SYN3: variants seen among roughly 807,000 people sequenced by gnomAD.
SYN3 encodes synapsin III, also known as synapsin-3.
SYN3 carries 35 observed loss-of-function variants against 65.8 expected under a neutral mutation model. The observed-to-expected ratio is 0.53, with a 90% confidence interval of 0.41 to 0.70. The LOEUF is 0.70. SYN3 is among the 30% of genes least tolerant of loss of function. The pLI is 0.00. For missense variants in SYN3, 680 were observed against 749.0 expected (o/e 0.91, Z 1.08); for synonymous variants, 270 against 292.9 (o/e 0.92, Z 0.80).
At position 32,801,890 on chromosome 22, in the gene SYN3, C is replaced by T; in HGVS notation, c.711+63025G>A. ...GCAGCGCGCCGGAGGCCAAGGTTGCCCCGCACGGCCCGGCGGGCGAGCGAG... is the reference window on the plus strand; with the variant it reads ...GCAGCGCGCCGGAGGCCAAGGTTGCTCCGCACGGCCCGGCGGGCGAGCGAG... On this transcript the variant is annotated intron_variant, in intron 6 of 13. Coordinates refer to ENST00000358763, the MANE Select transcript of SYN3 (RefSeq NM_003490.4). The surrounding 1 kb of genome is among the most constrained non-coding windows in gnomAD (Gnocchi z 4.7). 1 of 1,346,288 alleles carries T rather than the reference C, an allele frequency of 7.4e-7. No individual in the cohort carries two copies. Among genetic ancestry groups the T allele is most frequent in the Non-Finnish European group, 9.5e-7 (1 of 1,053,266 alleles). The allele number at this position is 1,346,288 out of a possible 1,614,324, so 83.4% of individuals were successfully genotyped here. A position where few individuals can be genotyped will look rare whatever the true frequency, so the allele number is the denominator to read the frequency against.
rs143660877 is a variant in SYN3 at position 32,737,440 on chromosome 22, A to G, written c.711+127475T>C. Among the ~76,000 whole-genome samples, 634 of 152,104 alleles carry G rather than the reference A, an allele frequency of 4.2e-3. 4 individuals are homozygous for G. Among genetic ancestry groups the G allele is most frequent in the African/African-American group, 0.014 (578 of 41,472 alleles). ...ATTAACTCGTCATTTAACCTTAGGT[A>G]TATCTCCTAATGCTATCCCTCCCCC... On this transcript the variant is annotated intron_variant, in intron 6 of 13. Transcript: ENST00000358763.
At chr22:32,546,860 T>G (rs1431435736) in intron 7 of SYN3, among the ~76,000 whole-genome samples, 1 of 151,634 alleles carries the variant, frequency 6.6e-6, no homozygotes. Flanking sequence ...TTCTCCCTTC[T>G]CTTATCTCCT....
chr22:33,035,166 C>T (rs535791321), intron 1 of SYN3, among the ~76,000 whole-genome samples: 5 of 152,002 alleles, frequency 3.3e-5, no homozygotes, highest in African/African-American at 9.6e-5. Context: ...GCTTTCTATG[C>T]GACAGTAACA....
chr22:33,047,550 G>C (rs539102335), intron 1 of SYN3, among the ~76,000 whole-genome samples: 1 of 152,034 alleles, frequency 6.6e-6, no homozygotes, highest in Non-Finnish European at 1.5e-5. Flanking sequence ...GCAGCTTTCT[G>C]GTGCTTGATT....
chr22:32,864,762 G>A, intron 6 of SYN3, 153 bp downstream of exon 6: 1 of 646,624 alleles, frequency 1.5e-6, no homozygotes, highest in Non-Finnish European at 2.7e-6. Flanking sequence ...GGAAATCCAG[G>A]CACTCCCACA....
At chr22:32,912,376 C>T (rs553317545) in intron 4 of SYN3, among the ~76,000 whole-genome samples, 41 of 149,492 alleles carry the variant, frequency 2.7e-4, no homozygotes, top group Non-Finnish European at 5.1e-4. Context: ...GATTGAAGAG[C>T]TGAGAAAAAT....
intron 6 of SYN3, among the ~76,000 whole-genome samples, chr22:32,619,335 A>G (rs2059563750): frequency 6.6e-6 from 1 of 152,248 alleles, no homozygotes; most frequent in South Asian, 2.1e-4. Flanking sequence ...TAAAGTTCAT[A>G]GCCTGCTAAT....
Position 32,513,436 on chromosome 22 carries a change from T to G in SYN3, c.*256A>C. 1 of 367,020 alleles carries G rather than the reference T, an allele frequency of 2.7e-6. No individual in the cohort carries two copies. Among genetic ancestry groups the G allele is most frequent in the Non-Finnish European group, 4.9e-6 (1 of 204,040 alleles). The allele number at this position is 367,020 out of a possible 1,614,324, so 22.7% of individuals were successfully genotyped here. A position where few individuals can be genotyped will look rare whatever the true frequency, so the allele number is the denominator to read the frequency against. ...GCACGTGGGTAGGCAGAGGGTGTGA[T>G]GCCCATCGCTCAGGCCTGTTTTGAG... On this transcript the variant is annotated 3_prime_UTR_variant, in exon 14 of 14. Transcript: ENST00000358763.
intron 6 of SYN3, among the ~76,000 whole-genome samples, chr22:32,831,375 G>A (rs1253807529): frequency 1.3e-5 from 2 of 152,152 alleles, no homozygotes; most frequent in Non-Finnish European, 2.9e-5. Context: ...CATTAGAGTG[G>A]GCTGATATCC....
At chr22:32,855,812 C>T (rs2048347399) in intron 6 of SYN3, among the ~76,000 whole-genome samples, 1 of 152,146 alleles carries the variant, frequency 6.6e-6, no homozygotes, top group Non-Finnish European at 1.5e-5. Context: ...GGCAAAATTG[C>T]CTCCAGTTGA....
intron 7 of SYN3, among the ~76,000 whole-genome samples, chr22:32,594,153 G>A (rs1392338525): frequency 6.6e-6 from 1 of 151,950 alleles, no homozygotes; most frequent in East Asian, 1.9e-4. Flanking sequence ...GGGAATTGGG[G>A]GGCAGACATA....
In SYN3 at chr22:32,512,457, A is replaced by G. The variant is rs2057701349; in HGVS notation, c.*1235T>C. ...GATCACCGCTGAACGCTGTCTAAGC[A>G]TGAGAGGCAGACTGGTATAGGGGAA... On this transcript the variant is annotated 3_prime_UTR_variant, in exon 14 of 14. Transcript: ENST00000358763. 1 of 152,228 alleles carries G rather than the reference A, an allele frequency of 6.6e-6. No homozygotes were observed. Among genetic ancestry groups the G allele is most frequent in the African/African-American group, 2.4e-5 (1 of 41,454 alleles). The allele number at this position is 152,228 out of a possible 1,614,324, so 9.4% of individuals were successfully genotyped here.
chr22:32,839,899 C>T (rs533163079), intron 6 of SYN3, among the ~76,000 whole-genome samples: 50 of 152,110 alleles, frequency 3.3e-4, no homozygotes, highest in Non-Finnish European at 5.3e-4. Flanking sequence ...CTACAACAGA[C>T]GTCAGCAGGG....
intron 7 of SYN3, among the ~76,000 whole-genome samples, chr22:32,563,388 A>C (rs1357170579): frequency 6.6e-6 from 1 of 152,218 alleles, no homozygotes. Context: ...CAAAGCAGGG[A>C]GGGTCATGTC....
chr22:33,010,805 C>T (rs2053331180), intron 1 of SYN3, among the ~76,000 whole-genome samples: 2 of 152,088 alleles, frequency 1.3e-5, no homozygotes, highest in Admixed American at 1.3e-4. Flanking sequence ...TTGTGATTTT[C>T]AATATAGAGA....
chr22:33,000,045 A>G (rs2053012372), intron 2 of SYN3, among the ~76,000 whole-genome samples: 1 of 152,074 alleles, frequency 6.6e-6, no homozygotes, highest in African/African-American at 2.4e-5. Context: ...AATTAATTAT[A>G]ATTCTCCTTT....
chr22:32,621,297 C>CTTTTTTTT (rs58499520), intron 6 of SYN3, among the ~76,000 whole-genome samples: 1 of 140,974 alleles, frequency 7.1e-6, no homozygotes, highest in Non-Finnish European at 1.5e-5. Context: ...TAACTTTTGC[C>CTTTTTTTT]TTTTTTTTTT....
chr22:33,040,087 T>C (rs1378899294), intron 1 of SYN3, among the ~76,000 whole-genome samples: 1 of 151,800 alleles, frequency 6.6e-6, no homozygotes, highest in Admixed American at 6.6e-5. Flanking sequence ...TGGAGTGCAG[T>C]GGCGCGATCT....
intron 6 of SYN3, among the ~76,000 whole-genome samples, chr22:32,758,540 T>G (rs2145700008): frequency 6.6e-6 from 1 of 150,762 alleles, no homozygotes; most frequent in African/African-American, 2.4e-5. Flanking sequence ...CTTTCTCCCG[T>G]GCTGGATGCT....
Sources: gnomAD v4.1 joint callset for allele counts (sites outside exome capture counted in the v4.1 genomes callset) on GRCh38, gnomAD v4.1.1 for gene constraint, Gnocchi (gnomAD v3.1) non-coding constraint, MANE v1.5 for transcripts, NCBI Gene and HGNC (gene_info 2026-07-23, HGNC 2026-07-21) for gene names.